The following ENPP6 variants were observed in gnomAD, a reference collection of about 807,000 sequenced individuals.
The protein encoded by ENPP6 is ectonucleotide pyrophosphatase/phosphodiesterase 6.
Under a neutral mutation model 42.0 loss-of-function variants are expected in ENPP6, and 32 were observed. The ratio of observed to expected loss-of-function variants is 0.76; its 90% CI spans 0.58 to 1.02. The LOEUF (loss-of-function observed/expected upper bound fraction) is 1.02, where lower values mean the gene tolerates loss of function less well. Ranked by LOEUF, ENPP6 falls within the 50% of genes least tolerant of loss-of-function variation. The probability of loss-of-function intolerance (pLI) is 0.00; values close to 1 mark genes in which losing one functional copy is unlikely to be tolerated. For missense variants in ENPP6, 552 were observed against 566.8 expected (o/e 0.97, Z 0.27); for synonymous variants, 213 against 216.0 (o/e 0.99, Z 0.12).
At chr4:184,105,671 AT>A (rs1560979261) in intron 6 of ENPP6, among the ~76,000 whole-genome samples, 3 of 152,272 alleles carry the variant, frequency 2.0e-5, no homozygotes, top group African/African-American at 7.2e-5. Context: ...ATTGACCAAA[AT>A]TTTTTTTAAA....
chr4:184,109,596 A>AT (rs1181088694), intron 6 of ENPP6, among the ~76,000 whole-genome samples: 1 of 151,888 alleles, frequency 6.6e-6, no homozygotes, highest in Non-Finnish European at 1.5e-5. Context: ...AGCTAATCTT[A>AT]TTTTTTCATA....
intron 7 of ENPP6, among the ~76,000 whole-genome samples, chr4:184,093,647 AATAAT>A (rs1339696417): frequency 7.7e-6 from 1 of 130,376 alleles, no homozygotes; most frequent in African/African-American, 3.2e-5. Flanking sequence ...TCAAAATAAT[AATAAT>A]AATAATAATA....
At chr4:184,178,783 A>G (rs1258882767) in intron 1 of ENPP6, among the ~76,000 whole-genome samples, 2 of 152,260 alleles carry the variant, frequency 1.3e-5, no homozygotes, top group Non-Finnish European at 2.9e-5. Context: ...ACCAAGCTTC[A>G]TAAGTGAAGA....
Position 184,089,933 on chromosome 4 carries a change from C to T in ENPP6, c.*1244G>A, listed in dbSNP as rs990995793. ...GATGACTAAGCTAAAAATATTTCAA[C>T]TCAGGCTCAGTGGCTCTTCTCAAAG... On this transcript the variant is annotated 3_prime_UTR_variant, in exon 8 of 8. Transcript: ENST00000296741. 3 of 152,174 alleles carry T rather than the reference C, an allele frequency of 2.0e-5. No individual in the cohort carries two copies. The highest frequency in any genetic ancestry group is 7.2e-5 in the African/African-American group (3 of 41,428). The allele number at this position is 152,174 out of a possible 1,614,324, so 9.4% of individuals were successfully genotyped here.
At chr4:184,194,056 C>A (rs1366197658) in intron 1 of ENPP6, among the ~76,000 whole-genome samples, 1 of 152,148 alleles carries the variant, frequency 6.6e-6, no homozygotes, top group Admixed American at 6.5e-5. Flanking sequence ...TTTGATACCT[C>A]TTCTTCCACA....
At chr4:184,119,312 G>GGT (rs6148837) in intron 3 of ENPP6, among the ~76,000 whole-genome samples, 1 of 144,050 alleles carries the variant, frequency 6.9e-6, no homozygotes, top group African/African-American at 2.6e-5. Context: ...TCTGTTTCTT[G>GGT]GTGTGTGTGT....
intron 1 of ENPP6, among the ~76,000 whole-genome samples, chr4:184,200,165 C>T (rs997605927): frequency 2.6e-5 from 4 of 152,216 alleles, no homozygotes; most frequent in Non-Finnish European, 5.9e-5. Context: ...CAGCCAAGAA[C>T]TGGCCTCGTT....
intron 2 of ENPP6, among the ~76,000 whole-genome samples, chr4:184,150,150 C>T (rs1373114244): frequency 6.6e-6 from 1 of 152,120 alleles, no homozygotes; most frequent in Non-Finnish European, 1.5e-5. Flanking sequence ...CATATTTCTC[C>T]CTGCACTCCA....
intron 1 of ENPP6, among the ~76,000 whole-genome samples, chr4:184,188,388 A>C (rs1458805254): frequency 6.6e-6 from 1 of 152,102 alleles, no homozygotes; most frequent in Admixed American, 6.5e-5. Flanking sequence ...TTTTGTTCCA[A>C]ACAAAGAAGG....
intron 6 of ENPP6, among the ~76,000 whole-genome samples, chr4:184,100,651 T>C (rs1203352131): frequency 6.6e-6 from 1 of 152,196 alleles, no homozygotes; most frequent in Admixed American, 6.5e-5. Flanking sequence ...CCGGTTCTCC[T>C]GCAATGTGTG....
At chr4:184,204,857 G>C (rs17075469) in intron 1 of ENPP6, among the ~76,000 whole-genome samples, 14,147 of 152,252 alleles carry the variant, frequency 0.093, 809 homozygotes, top group South Asian at 0.19. Flanking sequence ...GTTTAGAAGT[G>C]TCGAACATCA....
At position 184,209,322 on chromosome 4, in the gene ENPP6, A is replaced by C. The variant is rs537072787; in HGVS notation, c.241+8257T>G. Among the ~76,000 whole-genome samples, 8 of 147,990 alleles carry C rather than the reference A, an allele frequency of 5.4e-5. No individual in the cohort carries two copies. In the East Asian group the frequency reaches 1.4e-3, roughly 26 times the overall value. ...GAGGACATTCAAACCAAAGGCAAAG[A>C]AGTTGAAAACTTTGAAAAAAATTTA... On this transcript the variant is annotated intron_variant, in intron 1 of 7. Coordinates refer to ENST00000296741, the MANE Select transcript of ENPP6 (RefSeq NM_153343.4).
chr4:184,207,382 T>C lies in ENPP6; in HGVS notation c.241+10197A>G, dbSNP rs554867296. On this transcript the variant is annotated intron_variant, in intron 1 of 7. Coordinates refer to ENST00000296741, the MANE Select transcript of ENPP6 (RefSeq NM_153343.4). ...TCAAAACAGATGCAGCATTTCCCTC[T>C]TACCCATGACCTGGATTGAACAAAT... Among the ~76,000 whole-genome samples, 8 of 152,356 alleles carry C rather than the reference T, an allele frequency of 5.3e-5. No homozygotes were observed. The East Asian group carries it at 1.5e-3, about 29-fold the overall frequency.
At chr4:184,104,022 C>A (rs7662087) in intron 6 of ENPP6, among the ~76,000 whole-genome samples, 1 of 149,938 alleles carries the variant, frequency 6.7e-6, no homozygotes, top group African/African-American at 2.4e-5. Flanking sequence ...CTTTTCTTTT[C>A]TTTTTTTGAA....
intron 1 of ENPP6, among the ~76,000 whole-genome samples, chr4:184,176,068 G>A (rs2111096627): frequency 6.6e-6 from 1 of 152,220 alleles, no homozygotes. Flanking sequence ...GGGATTACAG[G>A]TGTGAGCTAC....
intron 1 of ENPP6, among the ~76,000 whole-genome samples, chr4:184,208,441 CA>C (rs1310214674): frequency 6.6e-6 from 1 of 152,148 alleles, no homozygotes; most frequent in Non-Finnish European, 1.5e-5. Context: ...CACAAGGGGT[CA>C]GGGAGTTCCC....
At chr4:184,146,853 C>A (rs1466594210) in intron 2 of ENPP6, among the ~76,000 whole-genome samples, 3 of 152,158 alleles carry the variant, frequency 2.0e-5, no homozygotes, top group Non-Finnish European at 4.4e-5. Flanking sequence ...TCCTTGGTGT[C>A]CTTTGCAGGC....
At chr4:184,118,198 C>T (rs573936120) in intron 3 of ENPP6, among the ~76,000 whole-genome samples, 18 of 152,268 alleles carry the variant, frequency 1.2e-4, no homozygotes, top group African/African-American at 4.1e-4. Context: ...CATTTCATTG[C>T]TTTAGGTACG....
At chr4:184,185,798 C>T (rs114839053) in intron 1 of ENPP6, among the ~76,000 whole-genome samples, 128 of 152,294 alleles carry the variant, frequency 8.4e-4, no homozygotes, top group African/African-American at 2.8e-3. Context: ...AACATGGCAA[C>T]CAAACGTACT....
Sources: allele counts gnomAD v4.1 joint callset (sites outside exome capture counted in the v4.1 genomes callset), GRCh38; gene constraint gnomAD v4.1.1; transcripts MANE v1.5; gene names NCBI Gene and HGNC (gene_info 2026-07-23, HGNC 2026-07-21).